Variants in SNTG1 observed in about 807,000 individuals in gnomAD.
SNTG1 encodes the protein gamma-1-syntrophin.
Under a neutral mutation model 74.7 loss-of-function variants are expected in SNTG1, and 39 were observed. The observed-to-expected ratio is 0.52, with a 90% confidence interval of 0.40 to 0.68. The LOEUF is 0.68. SNTG1 is among the 30% of genes least tolerant of loss of function. The pLI is 0.00. For missense variants in SNTG1, 685 were observed against 609.5 expected, an observed-to-expected ratio of 1.12 and a Z score of -1.30; for synonymous variants, 254 against 217.1, an observed-to-expected ratio of 1.17 and a Z score of -1.49.
intron 15 of SNTG1, among the ~76,000 whole-genome samples, chr8:50,701,756 C>T (rs5891385): frequency 0.15 from 18,979 of 123,392 alleles, 1,440 homozygotes; most frequent in African/African-American, 0.17. Context: ...TCCTTCTTCT[C>T]CTTCTTCTTC....
intron 11 of SNTG1, among the ~76,000 whole-genome samples, chr8:50,540,032 T>C (rs1410184369): frequency 6.6e-6 from 1 of 152,142 alleles, no homozygotes; most frequent in Non-Finnish European, 1.5e-5. Flanking sequence ...TTCAGCACTT[T>C]TTTTATCCCT....
At chr8:49,946,524 C>A (rs1809204249) in intron 1 of SNTG1, among the ~76,000 whole-genome samples, 1 of 152,078 alleles carries the variant, frequency 6.6e-6, no homozygotes, top group African/African-American at 2.4e-5. Flanking sequence ...ACATGGCTTG[C>A]AGTAGCTTTT....
rs550793529 is a variant in SNTG1, at chr8:49,976,616, G to A, written c.-103+64385G>A. On this transcript the variant is annotated intron_variant, in intron 1 of 18. Transcript: ENST00000642720. ...ATTTGTCCAGGGAAGCCTACTCTGA[G>A]GAGTGAATTTTAAACTGAGATGTAA... Among the ~76,000 whole-genome samples the A allele has an allele frequency of 4.6e-5, 7 of 152,294 alleles. No individual in the cohort carries two copies. In the South Asian group the frequency reaches 1.2e-3, roughly 27 times the overall value.
intron 1 of SNTG1, among the ~76,000 whole-genome samples, chr8:50,144,992 C>T (rs1447440212): frequency 1.3e-5 from 2 of 152,044 alleles, no homozygotes; most frequent in African/African-American, 4.8e-5. Flanking sequence ...GTCAGGATGA[C>T]AGAAAACAAT....
In SNTG1 at chr8:50,203,144, G is replaced by A. The variant is rs1192796384; in HGVS notation, c.-28+30509G>A. Among the ~76,000 whole-genome samples the A allele has an allele frequency of 3.3e-5, 5 of 151,938 alleles. No homozygotes were observed. The East Asian group carries it at 9.7e-4, about 29-fold the overall frequency. On this transcript the variant is annotated intron_variant, in intron 2 of 18. Coordinates refer to ENST00000642720, the MANE Select transcript of SNTG1 (RefSeq NM_018967.5). Reference sequence around the variant, plus strand: ...GAAGTTCCTGTTAACATGCCTTCAAGCTCACTCATTCTTTTCTTTGCCACG... The same window carrying A: ...GAAGTTCCTGTTAACATGCCTTCAAACTCACTCATTCTTTTCTTTGCCACG...
rs931563630 is a variant in SNTG1 at position 50,474,125 on chromosome 8, G to A, written c.363+23396G>A. On this transcript the variant is annotated intron_variant, in intron 8 of 18. Coordinates refer to ENST00000642720, the MANE Select transcript of SNTG1 (RefSeq NM_018967.5). Reference sequence around the variant, plus strand: ...TGCACACTTAAAAATGATTAAGATGGAAGAAAACCTAGGCAATACCATTCA... The same window carrying A: ...TGCACACTTAAAAATGATTAAGATGAAAGAAAACCTAGGCAATACCATTCA... 2.6e-5 allele frequency among the ~76,000 whole-genome samples: 4 copies of A among 152,008 alleles called. No homozygotes were observed. In the East Asian group the frequency reaches 5.8e-4, roughly 22 times the overall value.
rs923349864 is a variant in SNTG1 at position 50,790,470 on chromosome 8, T to C, written c.1396-2201T>C. Among the ~76,000 whole-genome samples the C allele has an allele frequency of 4.6e-5, 7 of 151,914 alleles. No individual in the cohort carries two copies. In the South Asian group the frequency reaches 1.2e-3, roughly 27 times the overall value. ...TTGGTGGAAGCTGTCGGTGGATGGA[T>C]AGATAGATGTTCATCATCAGTGGAT... On this transcript the variant is annotated intron_variant, in intron 18 of 18. Coordinates refer to ENST00000642720, the MANE Select transcript of SNTG1 (RefSeq NM_018967.5).
At chr8:50,089,628 T>C (rs1305677254) in intron 1 of SNTG1, among the ~76,000 whole-genome samples, 1 of 152,174 alleles carries the variant, frequency 6.6e-6, no homozygotes, top group African/African-American at 2.4e-5. Context: ...AAAGAAGACA[T>C]TTATGCAGCC....
chr8:50,665,490 G>A (rs898557182), intron 15 of SNTG1, among the ~76,000 whole-genome samples: 18 of 152,028 alleles, frequency 1.2e-4, no homozygotes, highest in African/African-American at 4.1e-4. Flanking sequence ...GGGTCAGAGA[G>A]TTCTCAATAG....
intron 2 of SNTG1, among the ~76,000 whole-genome samples, chr8:50,259,314 C>T (rs1262645972): frequency 6.6e-6 from 1 of 151,808 alleles, no homozygotes; most frequent in Non-Finnish European, 1.5e-5. Context: ...GCCCGGCCAA[C>T]ATGGCAAAAT....
rs143687957 is a variant in SNTG1, at chr8:50,118,327, C to T, written c.-102-54234C>T. On this transcript the variant is annotated intron_variant, in intron 1 of 18. Coordinates refer to ENST00000642720, the MANE Select transcript of SNTG1 (RefSeq NM_018967.5). ...AGGTTTTAAAAAAAAATTACATGTA[C>T]CATGATTTTCAATATTTTATTTCAA... 4.1e-4 allele frequency among the ~76,000 whole-genome samples: 63 copies of T among 152,026 alleles called. No homozygotes were observed. The East Asian group carries it at 0.01, about 25-fold the overall frequency.
chr8:50,620,087 A>G (rs113579782), intron 13 of SNTG1, among the ~76,000 whole-genome samples: 3,632 of 152,118 alleles, frequency 0.024, 62 homozygotes, highest in Middle Eastern at 0.037. Context: ...GCTCCTTTCC[A>G]GGGGATCTAA....
At chr8:50,302,924 G>T (rs1331207057) in intron 2 of SNTG1, among the ~76,000 whole-genome samples, 1 of 152,126 alleles carries the variant, frequency 6.6e-6, no homozygotes, top group Non-Finnish European at 1.5e-5. Flanking sequence ...TTTTATCATT[G>T]CTGCTGTAGA....
intron 1 of SNTG1, among the ~76,000 whole-genome samples, chr8:50,026,652 G>A (rs75574430): frequency 0.013 from 1,911 of 151,940 alleles, 45 homozygotes; most frequent in African/African-American, 0.044. Context: ...CAAACAGAAG[G>A]GTATTAATAT....
chr8:50,470,720 C>T (rs1050394938), intron 8 of SNTG1, among the ~76,000 whole-genome samples: 8 of 152,072 alleles, frequency 5.3e-5, no homozygotes, highest in South Asian at 2.1e-4. Flanking sequence ...TGTAGACCTT[C>T]GCTGTGAGTG....
At chr8:50,463,558 A>T (rs2093585228) in intron 8 of SNTG1, among the ~76,000 whole-genome samples, 1 of 152,200 alleles carries the variant, frequency 6.6e-6, no homozygotes, top group Non-Finnish European at 1.5e-5. Context: ...TTTGAAAGGA[A>T]TCTTATTTTC....
At chr8:50,226,327 A>G (rs1427458529) in intron 2 of SNTG1, among the ~76,000 whole-genome samples, 1 of 152,154 alleles carries the variant, frequency 6.6e-6, no homozygotes, top group Non-Finnish European at 1.5e-5. Context: ...CAAGGAAGAA[A>G]ATCAAAATAT....
intron 4 of SNTG1, among the ~76,000 whole-genome samples, chr8:50,429,774 T>C (rs1248498408): frequency 6.6e-6 from 1 of 152,060 alleles, no homozygotes; most frequent in African/African-American, 2.4e-5. Flanking sequence ...GTGTAAAAAG[T>C]TCTCGCAACT....
At chr8:50,636,552 T>C (rs1304020864) in intron 13 of SNTG1, among the ~76,000 whole-genome samples, 7 of 152,080 alleles carry the variant, frequency 4.6e-5, no homozygotes, top group African/African-American at 1.7e-4. Context: ...CAGGACTGAC[T>C]TCCAATGAAA....
Sources: allele counts gnomAD v4.1 joint callset (sites outside exome capture counted in the v4.1 genomes callset), GRCh38; gene constraint gnomAD v4.1.1; transcripts MANE v1.5; gene names NCBI Gene and HGNC (gene_info 2026-07-23, HGNC 2026-07-21).